EP300: variants seen among roughly 807,000 people sequenced by gnomAD.
EP300 encodes histone acetyltransferase p300.
In EP300, 31 loss-of-function variants were observed where a neutral mutation model predicts 264.0. The observed-to-expected ratio is 0.12, with a 90% CI of 0.09 to 0.16. The LOEUF is 0.16. Ranked by LOEUF, EP300 falls within the 10% of genes least tolerant of loss-of-function variation. EP300 has a pLI of 1.00. For synonymous variants in EP300, 1,340 were observed against 1,045.4 expected (o/e 1.28, Z -5.44); for missense variants, 2,766 against 3,052.9 (o/e 0.91, Z 2.21).
chr22:41,176,196 G>A (rs2145511721), intron 29 of EP300, 51 bp from the exon 30 acceptor site: 1 of 1,606,260 alleles, frequency 6.2e-7, no homozygotes, highest in Non-Finnish European at 8.5e-7. Context: ...TTCCAGCCTG[G>A]ATGACAGAGC....
chr22:41,172,076 T>A (rs2059174133), intron 27 of EP300, among the ~76,000 whole-genome samples: 1 of 152,204 alleles, frequency 6.6e-6, no homozygotes, highest in African/African-American at 2.4e-5. Context: ...TATTTGTAGT[T>A]TTGGTCATTT....
chr22:41,128,895 C>T (rs576159014), intron 4 of EP300, among the ~76,000 whole-genome samples: 3 of 152,278 alleles, frequency 2.0e-5, no homozygotes, highest in Non-Finnish European at 2.9e-5. Flanking sequence ...TTAACTCACT[C>T]GGTAAAGGTC....
In EP300 at chr22:41,155,092, C is replaced by T. The variant is rs561543215; in HGVS notation, c.3240C>T (p.Asp1080=). ...PESLPFRQPV[D]PQLLGIPDYF... The stretch of plus-strand genomic sequence containing the variant: ...CCCTTCCCTTTCGTCAACCTGTGGA[C>T]CCTCAGCTTTTAGGAATCCCTGTAA... The change falls in exon 17 of 31, where the codon GAC becomes GAT. Residue 1080 remains aspartate, a synonymous_variant. Transcript: ENST00000263253. The T allele has an allele frequency of 1.2e-6, 2 of 1,612,998 alleles. No homozygotes were observed. The highest frequency in any genetic ancestry group is 4.5e-5 in the East Asian group (2 of 44,882).
chr22:41,151,998 G>C lies in EP300; in HGVS notation c.2983G>C (p.Glu995Gln). Residue 995 changes from glutamate (E) to glutamine (Q), a missense_variant, in exon 15 of 31, where the codon GAG becomes CAG. Transcript: ENST00000263253. ...DQPEPADTQP[E>Q]DISESKVEDC... The stretch of plus-strand genomic sequence containing the variant: ...ACCAGAACCAGCAGATACTCAGCCG[G>C]AGGATATTTCAGAGGTGAGAGTAGG... 6.2e-7 allele frequency: 1 copy of C among 1,614,154 alleles called. No homozygotes were observed. The highest frequency in any genetic ancestry group is 1.1e-5 in the South Asian group (1 of 91,084).
Position 41,126,058 on chromosome 22 carries a change from A to G in EP300, c.906+18A>G. 2 of 1,613,132 alleles carry G rather than the reference A, an allele frequency of 1.2e-6. No homozygotes were observed. The highest frequency in any genetic ancestry group is 1.7e-6 in the Non-Finnish European group (2 of 1,179,118). ...CCAACATGGTGAGTACTAATCCATT[A>G]CAGACTTGTTTTCAAACTGGCATTT... On this transcript the variant is annotated intron_variant, in intron 3 of 30. Transcript: ENST00000263253.
chr22:41,117,185 A>C lies in EP300; in HGVS notation c.95-2A>C. The C allele has an allele frequency of 6.2e-7, 1 of 1,613,994 alleles. No individual in the cohort carries two copies. The highest frequency in any genetic ancestry group is 8.5e-7 in the Non-Finnish European group (1 of 1,179,900). ...ACCTTTGTCTTTTCCCTTTGCTTTT[A>C]GATTTTGGCTCTCTATTTGACTTGG... On this transcript the variant is annotated splice_acceptor_variant, in intron 1 of 30. Coordinates refer to ENST00000263253, the MANE Select transcript of EP300 (RefSeq NM_001429.4). LOFTEE classifies it high-confidence loss of function.
intron 1 of EP300, among the ~76,000 whole-genome samples, chr22:41,115,263 A>G (rs545666229): frequency 1.3e-5 from 2 of 152,286 alleles, no homozygotes; most frequent in East Asian, 1.9e-4. Context: ...GATTGTCACA[A>G]TTGGGATATG....
intron 27 of EP300, among the ~76,000 whole-genome samples, chr22:41,171,763 C>G (rs1165993063): frequency 6.6e-6 from 1 of 151,828 alleles, no homozygotes; most frequent in Non-Finnish European, 1.5e-5. Context: ...AGGCATGCAC[C>G]ACCAAGCCAG....
At chr22:41,163,995 CA>C (rs1334783756) in intron 21 of EP300, 57 bp from the exon 22 acceptor site, 4 of 1,492,680 alleles carry the variant, frequency 2.7e-6, no homozygotes, top group Non-Finnish European at 3.7e-6. Flanking sequence ...GGAAATATTG[CA>C]AGTTTTCATT....
intron 1 of EP300, among the ~76,000 whole-genome samples, chr22:41,116,496 A>G (rs974239192): frequency 5.9e-5 from 9 of 152,042 alleles, no homozygotes; most frequent in African/African-American, 1.9e-4. Context: ...TCTGAGAATG[A>G]TGGTTTCCAG....
chr22:41,165,409 T>TA (rs2059128725), intron 22 of EP300, among the ~76,000 whole-genome samples: 1 of 152,166 alleles, frequency 6.6e-6, no homozygotes, highest in Non-Finnish European at 1.5e-5. Flanking sequence ...CTTTTGTACA[T>TA]ACAATCATAC....
chr22:41,118,558 C>T (rs1218673915), intron 2 of EP300, among the ~76,000 whole-genome samples: 2 of 152,202 alleles, frequency 1.3e-5, no homozygotes, highest in Non-Finnish European at 1.5e-5. Context: ...TGAGAGATGG[C>T]TTCACTTCGA....
chr22:41,167,270 T>A (rs2059139861), intron 23 of EP300, among the ~76,000 whole-genome samples: 1 of 152,194 alleles, frequency 6.6e-6, no homozygotes, highest in African/African-American at 2.4e-5. Context: ...GTACTGGGAT[T>A]ACAGGCGTGA....
chr22:41,126,149 A>C, intron 3 of EP300, 109 bp downstream of exon 3: 1 of 1,126,554 alleles, frequency 8.9e-7, no homozygotes, highest in Non-Finnish European at 1.3e-6. Context: ...ACCCACTAGG[A>C]GCCTAAATTG....
At chr22:41,129,614 T>C (rs2058904896) in intron 4 of EP300, among the ~76,000 whole-genome samples, 1 of 152,212 alleles carries the variant, frequency 6.6e-6, no homozygotes, top group Non-Finnish European at 1.5e-5. Context: ...AAGTAGGTTG[T>C]GTATAGCATG....
intron 1 of EP300, 142 bp downstream of exon 1, chr22:41,093,240 T>A: frequency 1.2e-6 from 1 of 842,048 alleles, no homozygotes; most frequent in African/African-American, 1.7e-5. Flanking sequence ...AATGAGCTGG[T>A]CGAAGACGTC....
chr22:41,170,934 A>C (rs1038973737), intron 27 of EP300, among the ~76,000 whole-genome samples: 1 of 146,806 alleles, frequency 6.8e-6, no homozygotes, highest in Non-Finnish European at 1.5e-5. Context: ...AAGTGCTGGG[A>C]TTACAGGCAT....
chr22:41,141,229 GGTTT>G lies in EP300; in HGVS notation c.2053+8_2053+11del, dbSNP rs763761484. 14 of 1,612,634 alleles carry G rather than the reference GGTTT, an allele frequency of 8.7e-6. No individual in the cohort carries two copies. The highest frequency in any genetic ancestry group is 6.6e-5 in the South Asian group (6 of 90,986). ...CAACCAGGAATGACTTCTAGTAAGT[GGTTT>G]TTGTTATATTTCTGTTTGAGAGAAA... On this transcript the variant is annotated splice_region_variant and intron_variant, in intron 10 of 30. Coordinates refer to ENST00000263253, the MANE Select transcript of EP300 (RefSeq NM_001429.4).
chr22:41,126,160 A>G (rs546625296), intron 3 of EP300, 120 bp downstream of exon 3: 7 of 1,002,038 alleles, frequency 7.0e-6, no homozygotes, highest in Non-Finnish European at 1.1e-5. Flanking sequence ...GCCTAAATTG[A>G]TATGTACTTG....
Sources: gnomAD v4.1 joint callset for allele counts (sites outside exome capture counted in the v4.1 genomes callset) on GRCh38, gnomAD v4.1.1 for gene constraint, MANE v1.5 for transcripts, NCBI Gene and HGNC (gene_info 2026-07-23, HGNC 2026-07-21) for gene names.